METAP1: variants seen among roughly 807,000 people sequenced by gnomAD.
METAP1 encodes methionyl aminopeptidase 1.
A neutral mutation model predicts 53.8 loss-of-function variants in METAP1; 28 were observed. The ratio of observed to expected loss-of-function variants is 0.52; its 90% CI spans 0.39 to 0.71. The LOEUF is 0.71. METAP1 is among the 30% of genes least tolerant of loss of function. The pLI is 0.00. For synonymous variants in METAP1, 181 were observed against 165.7 expected (o/e 1.09, Z -0.71); for missense variants, 389 against 479.8 (o/e 0.81, Z 1.77).
At chr4:99,022,463 G>A (rs1441533737) in intron 1 of METAP1, 11 of 610,510 alleles carry the variant, frequency 1.8e-5, no homozygotes, top group South Asian at 2.8e-5. Flanking sequence ...GCTGCTTTCC[G>A]GGCCCTCAGT....
rs542337284 is a variant in METAP1 at position 99,044,991 on chromosome 4, T to C, written c.656-188T>C. Reference sequence around the variant, plus strand: ...ATGTTACATGGCCATATTCCTGCTCTCCACAGTGAGTTCAGTTACATCTCA... The same window carrying C: ...ATGTTACATGGCCATATTCCTGCTCCCCACAGTGAGTTCAGTTACATCTCA... On this transcript the variant is annotated intron_variant, in intron 7 of 10. Coordinates refer to ENST00000296411, the MANE Select transcript of METAP1 (RefSeq NM_015143.3). 2.0e-5 allele frequency among the ~76,000 whole-genome samples: 3 copies of C among 152,352 alleles called. 1 individual carries two copies. Among genetic ancestry groups the C allele is most frequent in the African/African-American group, 7.2e-5 (3 of 41,594 alleles).
chr4:99,003,131 TCTG>T (rs1352274410), intron 1 of METAP1, among the ~76,000 whole-genome samples: 1 of 152,202 alleles, frequency 6.6e-6, no homozygotes, highest in Non-Finnish European at 1.5e-5. Flanking sequence ...GGGTCTGCTA[TCTG>T]CTAATGTGGC....
chr4:99,006,928 A>G (rs918085725), intron 1 of METAP1, among the ~76,000 whole-genome samples: 4 of 151,858 alleles, frequency 2.6e-5, no homozygotes, highest in African/African-American at 9.7e-5. Flanking sequence ...GTAAGCCAGA[A>G]ATCAAGCCCA....
chr4:99,004,442 C>T (rs1439021200), intron 1 of METAP1, among the ~76,000 whole-genome samples: 1 of 131,876 alleles, frequency 7.6e-6, no homozygotes, highest in Non-Finnish European at 1.6e-5. Context: ...GAACTGTGGA[C>T]AGATACACAC....
rs1484243941 is a variant in METAP1 at position 99,041,024 on chromosome 4, G to C, written c.433-19G>C. The C allele has an allele frequency of 4.4e-6, 7 of 1,585,742 alleles. No homozygotes were observed. Among genetic ancestry groups the C allele is most frequent in the Non-Finnish European group, 6.0e-6 (7 of 1,158,816 alleles). ...GTTTCTGTGTCTTTTTTAATGTATT[G>C]AGTGTTCCTTTTTTACAGCTTGCTA... On this transcript the variant is annotated intron_variant, in intron 5 of 10. Coordinates refer to ENST00000296411, the MANE Select transcript of METAP1 (RefSeq NM_015143.3).
At chr4:99,037,182 A>G (rs1725483610) in intron 4 of METAP1, among the ~76,000 whole-genome samples, 1 of 151,386 alleles carries the variant, frequency 6.6e-6, no homozygotes, top group Non-Finnish European at 1.5e-5. Flanking sequence ...TTTTTTCCAT[A>G]TTGATTTATA....
At chr4:98,997,935 A>G (rs1722715969) in intron 1 of METAP1, among the ~76,000 whole-genome samples, 1 of 152,146 alleles carries the variant, frequency 6.6e-6, no homozygotes, top group African/African-American at 2.4e-5. Flanking sequence ...CTCTACTGTA[A>G]TTCCTCCCCT....
chr4:99,021,213 A>T (rs1056585236), intron 1 of METAP1, among the ~76,000 whole-genome samples: 1 of 152,102 alleles, frequency 6.6e-6, no homozygotes, highest in African/African-American at 2.4e-5. Flanking sequence ...ACTTTCTCTC[A>T]ACCACAGTCA....
chr4:99,035,539 T>C, intron 4 of METAP1, 79 bp downstream of exon 4: 1 of 1,130,480 alleles, frequency 8.8e-7, no homozygotes, highest in South Asian at 1.4e-5. Flanking sequence ...ATGCTTTTCT[T>C]GTAGAAATTT....
chr4:99,021,287 C>G (rs769364738), intron 1 of METAP1, among the ~76,000 whole-genome samples: 1 of 152,226 alleles, frequency 6.6e-6, no homozygotes, highest in Non-Finnish European at 1.5e-5. Flanking sequence ...TTGCCACCCT[C>G]TAGCAGTTTT....
intron 1 of METAP1, among the ~76,000 whole-genome samples, chr4:99,016,797 G>T (rs763839967): frequency 3.3e-5 from 5 of 152,178 alleles, no homozygotes; most frequent in Non-Finnish European, 1.5e-5. Context: ...TCTGGCCAGG[G>T]TGTAGATCCC....
chr4:99,017,974 T>C (rs764028229), intron 1 of METAP1, among the ~76,000 whole-genome samples: 27 of 152,268 alleles, frequency 1.8e-4, no homozygotes, highest in Non-Finnish European at 2.2e-4. Flanking sequence ...AAGGCAGGGC[T>C]AAAACAGGGG....
At chr4:99,060,419 A>C (rs1727462767) in intron 10 of METAP1, among the ~76,000 whole-genome samples, 1 of 137,958 alleles carries the variant, frequency 7.2e-6, no homozygotes, top group Admixed American at 8.3e-5. Context: ...GCTGGAATGC[A>C]GTGGCGCGAT....
intron 1 of METAP1, among the ~76,000 whole-genome samples, chr4:99,025,933 A>G (rs1724528868): frequency 6.6e-6 from 1 of 152,234 alleles, no homozygotes; most frequent in Non-Finnish European, 1.5e-5. Flanking sequence ...ACCAATTGCC[A>G]GTCAGAATAT....
chr4:99,012,701 T>A (rs967906900), intron 1 of METAP1, among the ~76,000 whole-genome samples: 4 of 150,006 alleles, frequency 2.7e-5, no homozygotes, highest in African/African-American at 9.8e-5. Context: ...AGGTTTATTC[T>A]GAGCCAAATA....
chr4:99,042,776 T>C (rs956253289), intron 6 of METAP1, among the ~76,000 whole-genome samples: 13 of 152,112 alleles, frequency 8.5e-5, no homozygotes, highest in Non-Finnish European at 1.6e-4. Context: ...ATATTTGTTA[T>C]AGAGGTTGAG....
chr4:99,049,659 T>C (rs1726544646), intron 9 of METAP1, among the ~76,000 whole-genome samples: 1 of 152,172 alleles, frequency 6.6e-6, no homozygotes, highest in Non-Finnish European at 1.5e-5. Flanking sequence ...CTGTCCACAG[T>C]AAGTGACCTA....
rs776502756 is a variant in METAP1 at position 99,062,491 on chromosome 4, A to G, written c.*1174A>G. 1.3e-5 allele frequency: 2 copies of G among 152,646 alleles called. No individual in the cohort carries two copies. Among genetic ancestry groups the G allele is most frequent in the Admixed American group, 6.5e-5 (1 of 15,278 alleles). 9.5% of individuals were successfully genotyped at this position (152,646 alleles called of 1,614,324 possible). A position where few individuals can be genotyped will look rare whatever the true frequency, so the allele number is the denominator to read the frequency against. Reference sequence around the variant, plus strand: ...GAGTGTATCCAGTGAAGACATATCAAATCACAAAGTCATTGTCATTAGAGT... The same window carrying G: ...GAGTGTATCCAGTGAAGACATATCAGATCACAAAGTCATTGTCATTAGAGT... On this transcript the variant is annotated 3_prime_UTR_variant, in exon 11 of 11. Transcript: ENST00000296411.
chr4:99,026,565 A>T, intron 1 of METAP1: 1 of 985,412 alleles, frequency 1.0e-6, no homozygotes, highest in Non-Finnish European at 1.2e-6. Context: ...CTCTAAATCT[A>T]GGTTAGTTAG....
Sources: gnomAD v4.1 joint callset for allele counts (sites outside exome capture counted in the v4.1 genomes callset) on GRCh38, gnomAD v4.1.1 for gene constraint, MANE v1.5 for transcripts, NCBI Gene and HGNC (gene_info 2026-07-23, HGNC 2026-07-21) for gene names.